Variants in NRG1 observed in about 807,000 individuals in gnomAD.
NRG1 encodes neuregulin 1.
Under a neutral mutation model 63.8 loss-of-function variants are expected in NRG1, and 18 were observed. The ratio of observed to expected loss-of-function variants is 0.28; its 90% CI spans 0.19 to 0.42. The LOEUF (loss-of-function observed/expected upper bound fraction) is 0.42. Ranked by LOEUF, NRG1 falls within the 10% of genes least tolerant of loss-of-function variation. NRG1 has a pLI of 1.00. For missense variants in NRG1, 762 were observed against 814.7 expected, an observed-to-expected ratio of 0.94 and a Z score of 0.79; for synonymous variants, 302 against 301.3, an observed-to-expected ratio of 1.00 and a Z score of -0.02.
intron 1 of NRG1, among the ~76,000 whole-genome samples, chr8:31,883,185 C>A (rs1830479270): frequency 1.3e-5 from 2 of 152,080 alleles, no homozygotes; most frequent in Non-Finnish European, 2.9e-5. Flanking sequence ...CAGTCAGCAG[C>A]CATCAACATC....
intron 1 of NRG1, among the ~76,000 whole-genome samples, chr8:32,280,691 GTTTTTTT>G (rs1174950316): frequency 8.7e-5 from 5 of 57,628 alleles, no homozygotes; most frequent in South Asian, 8.2e-4. Flanking sequence ...TTTTTTTTTT[GTTTTTTT>G]TTTTTTTTTT....
At chr8:32,182,264 T>C (rs1164880956) in intron 1 of NRG1, among the ~76,000 whole-genome samples, 2 of 152,118 alleles carry the variant, frequency 1.3e-5, no homozygotes, top group African/African-American at 4.8e-5. Context: ...ATTTTTTTTT[T>C]TCTACAGAGT....
intron 1 of NRG1, among the ~76,000 whole-genome samples, chr8:32,550,284 CAT>C (rs1183290124): frequency 2.0e-5 from 3 of 152,068 alleles, no homozygotes; most frequent in Non-Finnish European, 4.4e-5. Context: ...GGGGAGAGAC[CAT>C]AGCACTTTAT....
chr8:31,702,086 T>C (rs1810685213), intron 1 of NRG1, among the ~76,000 whole-genome samples: 1 of 152,222 alleles, frequency 6.6e-6, no homozygotes, highest in Non-Finnish European at 1.5e-5. Flanking sequence ...GAGGAGATTC[T>C]CTGGAGTTTT....
rs530717688 is a variant in NRG1, at chr8:32,475,875, G to A, written c.38-119953G>A. On this transcript the variant is annotated intron_variant, in intron 1 of 10. Coordinates refer to the NRG1 transcript ENST00000519301. ...ATTTGCAATAAAAATTATTAATATT[G>A]TAGAACATGTATTGATCCTATGTAT... 5.9e-5 allele frequency among the ~76,000 whole-genome samples: 9 copies of A among 152,294 alleles called. No individual in the cohort carries two copies. The South Asian group carries it at 1.0e-3, about 18-fold the overall frequency.
chr8:32,555,168 G>T (rs1588268429), intron 1 of NRG1, among the ~76,000 whole-genome samples: 1 of 152,138 alleles, frequency 6.6e-6, no homozygotes, highest in Non-Finnish European at 1.5e-5. Flanking sequence ...TCCCCCAAGA[G>T]AATCAAGCAT....
intron 1 of NRG1, among the ~76,000 whole-genome samples, chr8:31,798,437 G>A (rs1400898194): frequency 1.3e-5 from 2 of 152,136 alleles, no homozygotes; most frequent in South Asian, 4.1e-4. Flanking sequence ...ATCTTTTGCT[G>A]TCTTGCATTG....
chr8:31,682,178 A>C (rs1808405994), intron 1 of NRG1, among the ~76,000 whole-genome samples: 2 of 152,168 alleles, frequency 1.3e-5, no homozygotes, highest in African/African-American at 2.4e-5. Context: ...TGCCTTTTCC[A>C]GAATGTCATA....
intron 1 of NRG1, among the ~76,000 whole-genome samples, chr8:31,864,922 C>A (rs1449409664): frequency 6.6e-6 from 1 of 152,094 alleles, no homozygotes; most frequent in East Asian, 1.9e-4. Flanking sequence ...GCACCACTGA[C>A]CTCTCTGTTT....
At chr8:32,334,794 C>T (rs1390499050) in intron 1 of NRG1, among the ~76,000 whole-genome samples, 1 of 152,194 alleles carries the variant, frequency 6.6e-6, no homozygotes, top group Non-Finnish European at 1.5e-5. Flanking sequence ...TTTCTGTTCT[C>T]TACCACAAAC....
At chr8:32,335,267 T>C (rs2129477871) in intron 1 of NRG1, among the ~76,000 whole-genome samples, 1 of 152,326 alleles carries the variant, frequency 6.6e-6, no homozygotes, top group East Asian at 1.9e-4. Context: ...TTCTACATGG[T>C]GCATGCGAAT....
chr8:32,570,889 T>C (rs1487525794), intron 1 of NRG1, among the ~76,000 whole-genome samples: 2 of 152,194 alleles, frequency 1.3e-5, no homozygotes, highest in African/African-American at 2.4e-5. Context: ...GTGAATGATA[T>C]GAATTTGCAC....
At chr8:31,949,558 G>C (rs1015543219) in intron 1 of NRG1, among the ~76,000 whole-genome samples, 1 of 152,092 alleles carries the variant, frequency 6.6e-6, no homozygotes, top group South Asian at 2.1e-4. Flanking sequence ...ATCTTCTCTT[G>C]GTTTCTTGTA....
chr8:32,202,705 C>T (rs1843614736), intron 1 of NRG1, among the ~76,000 whole-genome samples: 1 of 151,692 alleles, frequency 6.6e-6, no homozygotes, highest in Non-Finnish European at 1.5e-5. Context: ...CCCTGTAGTT[C>T]ATCGGTCCCG....
intron 1 of NRG1, chr8:31,639,681 G>C (rs956554859): frequency 7.1e-7 from 1 of 1,402,228 alleles, no homozygotes; most frequent in African/African-American, 1.5e-5. Flanking sequence ...GCGGCGCGGG[G>C]GGTGGGGGGA....
At chr8:31,715,643 T>C (rs1239279084) in intron 1 of NRG1, among the ~76,000 whole-genome samples, 1 of 152,334 alleles carries the variant, frequency 6.6e-6, no homozygotes, top group East Asian at 1.9e-4. Flanking sequence ...ATCATTATTA[T>C]AACCAGTTGG....
Position 32,530,594 on chromosome 8 carries a change from T to C in NRG1, c.38-65234T>C, listed in dbSNP as rs183285308. On this transcript the variant is annotated intron_variant, in intron 1 of 10. Coordinates refer to the NRG1 transcript ENST00000519301. Reference sequence around the variant, plus strand: ...TTGAGTCTCTCAAGTAGAACTGATTTACCTTTCCATTCCTTTCTCTTTCCT... The same window carrying C: ...TTGAGTCTCTCAAGTAGAACTGATTCACCTTTCCATTCCTTTCTCTTTCCT... 2.4e-3 allele frequency among the ~76,000 whole-genome samples: 370 copies of C among 152,366 alleles called. 2 individuals are homozygous for C. The highest frequency in any genetic ancestry group is 3.4e-3 in the Non-Finnish European group (230 of 68,034).
At chr8:32,280,680 G>GTTTTTTTTTTTTTTTTTTTTTTTTT (rs1235833561) in intron 1 of NRG1, among the ~76,000 whole-genome samples, 2 of 53,722 alleles carry the variant, frequency 3.7e-5, no homozygotes, top group African/African-American at 7.0e-5. Flanking sequence ...ACTGAATTAG[G>GTTTTTTTTTTTTTTTTTTTTTTTTT]TTTTTTTTTT....
intron 1 of NRG1, among the ~76,000 whole-genome samples, chr8:32,212,796 G>A (rs550221610): frequency 2.6e-5 from 4 of 152,088 alleles, no homozygotes; most frequent in Admixed American, 1.3e-4. Context: ...TTGACCTCAC[G>A]GTTAAATTTG....
Sources: allele counts gnomAD v4.1 joint callset (sites outside exome capture counted in the v4.1 genomes callset), GRCh38; gene constraint gnomAD v4.1.1; transcripts MANE v1.5; gene names NCBI Gene and HGNC (gene_info 2026-07-23, HGNC 2026-07-21).